DLG2: variants seen among roughly 807,000 people sequenced by gnomAD.
The protein encoded by DLG2 is disks large homolog 2.
In DLG2, 45 loss-of-function variants were observed where a neutral mutation model predicts 132.5. That is an observed-to-expected ratio of 0.34 (90% confidence interval 0.27 to 0.44). The LOEUF is 0.44. Among genes scored for constraint, DLG2 ranks in the 20% least tolerant of loss-of-function variants. The pLI is 1.00. For missense variants in DLG2, 1,045 were observed against 1,196.9 expected (o/e 0.87, Z 1.87); for synonymous variants, 424 against 419.6 (o/e 1.01, Z -0.13).
At chr11:83,502,815 C>CA (rs1225521527) in intron 21 of DLG2, among the ~76,000 whole-genome samples, 11 of 152,116 alleles carry the variant, frequency 7.2e-5, no homozygotes, top group Admixed American at 7.2e-4. Flanking sequence ...TTGATTACAC[C>CA]AATTTAAAGT....
At chr11:84,592,933 TAAAAAAAAAAAAAAAAA>T (rs61017970) in intron 6 of DLG2, among the ~76,000 whole-genome samples, 41 of 18,196 alleles carry the variant, frequency 2.3e-3, no homozygotes, top group South Asian at 0.012. Flanking sequence ...CTGTCTCTAC[TAAAAAAAAAAAAAAAAA>T]AAAAAAAAAA....
intron 6 of DLG2, among the ~76,000 whole-genome samples, chr11:84,716,895 G>T (rs1417868970): frequency 2.6e-5 from 4 of 151,942 alleles, no homozygotes; most frequent in Admixed American, 6.6e-5. Flanking sequence ...AAATGGTGTT[G>T]TACTTACGTT....
intron 3 of DLG2, among the ~76,000 whole-genome samples, chr11:85,434,141 C>T (rs1245723982): frequency 6.6e-6 from 1 of 151,832 alleles, no homozygotes; most frequent in Non-Finnish European, 1.5e-5. Flanking sequence ...AAAAAGAAAA[C>T]ATACCAGAAT....
chr11:83,730,767 G>A (rs527889788), intron 18 of DLG2, among the ~76,000 whole-genome samples: 1 of 152,078 alleles, frequency 6.6e-6, no homozygotes, highest in Non-Finnish European at 1.5e-5. Flanking sequence ...GCTGTTTCTC[G>A]TTGAAGATGT....
chr11:85,465,121 A>G (rs1291758552), intron 3 of DLG2, among the ~76,000 whole-genome samples: 3 of 114,622 alleles, frequency 2.6e-5, no homozygotes, highest in South Asian at 6.3e-4. Context: ...AAAAAAAAAG[A>G]AGCAAGATGG....
At chr11:83,703,542 G>C (rs537577045) in intron 18 of DLG2, among the ~76,000 whole-genome samples, 28 of 152,188 alleles carry the variant, frequency 1.8e-4, no homozygotes, top group Admixed American at 1.2e-3. Flanking sequence ...CCAGCTAATC[G>C]GGAGGCTGAG....
chr11:84,530,601 C>T (rs554242008), intron 7 of DLG2, among the ~76,000 whole-genome samples: 57 of 152,232 alleles, frequency 3.7e-4, no homozygotes, highest in African/African-American at 1.3e-3. Flanking sequence ...GTTAGAATGG[C>T]TTTTATAAAA....
chr11:83,745,200 T>A (rs772123049), intron 18 of DLG2, among the ~76,000 whole-genome samples: 3 of 152,212 alleles, frequency 2.0e-5, no homozygotes, highest in Non-Finnish European at 4.4e-5. Context: ...TTCTGTAGAA[T>A]AAAAACCTGG....
intron 6 of DLG2, among the ~76,000 whole-genome samples, chr11:84,674,840 A>G (rs1369650701): frequency 6.6e-6 from 1 of 152,064 alleles, no homozygotes; most frequent in Admixed American, 6.6e-5. Context: ...CCTTCCTTAC[A>G]TGGGCTCATC....
At chr11:84,714,605 T>G (rs779842639) in intron 6 of DLG2, among the ~76,000 whole-genome samples, 88 of 99,456 alleles carry the variant, frequency 8.8e-4, no homozygotes, top group Middle Eastern at 5.2e-3. Context: ...TTCTTTCTCT[T>G]TCTCTTTCTC....
intron 10 of DLG2, among the ~76,000 whole-genome samples, chr11:84,062,194 G>T (rs573566469): frequency 6.6e-6 from 1 of 152,278 alleles, no homozygotes; most frequent in African/African-American, 2.4e-5. Flanking sequence ...GTTCATTCCT[G>T]AATATGTGGA....
At chr11:83,669,235 C>T (rs2076402236) in intron 18 of DLG2, among the ~76,000 whole-genome samples, 1 of 152,156 alleles carries the variant, frequency 6.6e-6, no homozygotes, top group South Asian at 2.1e-4. Context: ...TCAAATTACT[C>T]ATTCCTATTA....
At chr11:83,791,659 C>G (rs548209718) in intron 17 of DLG2, 68 of 322,660 alleles carry the variant, frequency 2.1e-4, no homozygotes, top group Admixed American at 6.0e-4. Flanking sequence ...GTCAGCCGGG[C>G]GCGGTGGCTC....
At chr11:85,293,869 G>A (rs1479686371) in intron 3 of DLG2, among the ~76,000 whole-genome samples, 1 of 152,130 alleles carries the variant, frequency 6.6e-6, no homozygotes, top group Non-Finnish European at 1.5e-5. Context: ...TAGAAAATGT[G>A]TAAGTATTTA....
At chr11:84,268,645 T>G (rs1284253482) in intron 7 of DLG2, among the ~76,000 whole-genome samples, 1 of 98,118 alleles carries the variant, frequency 1.0e-5, no homozygotes, top group Non-Finnish European at 2.4e-5. Context: ...GTATTTTTAG[T>G]AGAGATGGGG....
At chr11:84,615,720 C>A (rs1204750122) in intron 6 of DLG2, among the ~76,000 whole-genome samples, 1 of 148,066 alleles carries the variant, frequency 6.8e-6, no homozygotes, top group Non-Finnish European at 1.5e-5. Flanking sequence ...GGCTGGTGAC[C>A]TGATTAAAAA....
chr11:84,090,142 G>A (rs1210224152), intron 10 of DLG2, among the ~76,000 whole-genome samples: 1 of 152,058 alleles, frequency 6.6e-6, no homozygotes, highest in African/African-American at 2.4e-5. Flanking sequence ...GGCCAGGCGC[G>A]GTGGCTCACG....
intron 6 of DLG2, among the ~76,000 whole-genome samples, chr11:84,845,083 C>T (rs771001553): frequency 6.6e-5 from 10 of 152,012 alleles, no homozygotes; most frequent in Non-Finnish European, 1.3e-4. Flanking sequence ...TAAAAATATG[C>T]CTAAGGGTTA....
chr11:84,704,609 C>A (rs1565712924), intron 6 of DLG2, among the ~76,000 whole-genome samples: 3 of 151,428 alleles, frequency 2.0e-5, no homozygotes, highest in South Asian at 4.1e-4. Context: ...ATGGAGTATA[C>A]AACCTAAATT....
Sources: allele counts gnomAD v4.1 joint callset (sites outside exome capture counted in the v4.1 genomes callset), GRCh38; gene constraint gnomAD v4.1.1; transcripts MANE v1.5; gene names NCBI Gene and HGNC (gene_info 2026-07-23, HGNC 2026-07-21).